VWA3A: variants seen among roughly 807,000 people sequenced by gnomAD.
VWA3A encodes the protein von Willebrand factor A domain containing 3A.
In VWA3A, 134 loss-of-function variants were observed where a neutral mutation model predicts 160.4. The observed-to-expected ratio is 0.84, with a 90% CI of 0.73 to 0.96. VWA3A has a LOEUF of 0.96. Ranked by LOEUF, VWA3A falls within the 40% of genes least tolerant of loss-of-function variation. The probability of loss-of-function intolerance (pLI) is 0.00; values close to 1 mark genes in which losing one functional copy is unlikely to be tolerated. For missense variants in VWA3A, 1,310 were observed against 1,447.9 expected (o/e 0.90, Z 1.55); for synonymous variants, 476 against 543.4 (o/e 0.88, Z 1.72).
chr16:22,093,876 C>T (rs1008520803), intron 1 of VWA3A, among the ~76,000 whole-genome samples: 2 of 152,076 alleles, frequency 1.3e-5, no homozygotes, highest in African/African-American at 4.8e-5. Flanking sequence ...GTGACCTGCC[C>T]ACCCCATCCT....
chr16:22,123,130 A>G lies in VWA3A; in HGVS notation c.1402A>G (p.Ile468Val), dbSNP rs371798073. 5.6e-6 allele frequency: 9 copies of G among 1,605,998 alleles called. No individual in the cohort carries two copies. The highest frequency in any genetic ancestry group is 7.7e-6 in the Non-Finnish European group (9 of 1,176,190). Residue 468 changes from isoleucine to valine, a missense_variant, in exon 15 of 34, where the codon ATT becomes GTT. Coordinates refer to ENST00000389398, the MANE Select transcript of VWA3A (RefSeq NM_173615.5). ...ATGGCACGACGGGACAGTGAAGAACATTCATGTGGACCCACCCTTCCTCTA... is the reference window on the plus strand; with the variant it reads ...ATGGCACGACGGGACAGTGAAGAACGTTCATGTGGACCCACCCTTCCTCTA... The part of the protein sequence containing the change: ...FEWHDGTVKN[I>V]HVDPPFLYKY...
intron 28 of VWA3A, among the ~76,000 whole-genome samples, chr16:22,149,424 C>T (rs910604289): frequency 1.3e-5 from 2 of 151,982 alleles, no homozygotes; most frequent in African/African-American, 2.4e-5. Flanking sequence ...AAATCTTTTT[C>T]GTAGAGATGG....
At chr16:22,129,401 A>AGAAAGAAAGAAAGAAAGAAAGAAAG (rs1191280431) in intron 17 of VWA3A, among the ~76,000 whole-genome samples, 1 of 137,142 alleles carries the variant, frequency 7.3e-6, no homozygotes, top group African/African-American at 3.0e-5. Context: ...AAAAAAAAAA[A>AGAAAGAAAGAAAGAAAGAAAGAAAG]AAAAGAAAGA....
At chr16:22,141,424 A>G in intron 23 of VWA3A, among the ~76,000 whole-genome samples, 158 bp from the exon 24 acceptor site, 1 of 152,166 alleles carries the variant, frequency 6.6e-6, no homozygotes, top group East Asian at 1.9e-4. Flanking sequence ...AAAGCCAGAG[A>G]CCTGGCGGGG....
At chr16:22,128,784 A>G (rs549859193) in intron 17 of VWA3A, among the ~76,000 whole-genome samples, 1 of 152,312 alleles carries the variant, frequency 6.6e-6, no homozygotes, top group East Asian at 1.9e-4. Context: ...TTGCAGGAAC[A>G]TGGATGGAGC....
rs375800668 is a variant in VWA3A, at chr16:22,119,274, C to G, written c.1116+247C>G. 4.7e-4 allele frequency among the ~76,000 whole-genome samples: 72 copies of G among 152,300 alleles called. No individual in the cohort carries two copies. The South Asian group carries it at 0.015, about 31-fold the overall frequency. On this transcript the variant is annotated intron_variant, in intron 12 of 33. Transcript: ENST00000389398. ...CTGTAAAATTTATTTCAGAGAAAGA[C>G]CAGCAGGCTCCTGCCACCCTCTCTA...
intron 7 of VWA3A, among the ~76,000 whole-genome samples, chr16:22,110,349 C>T (rs909928280): frequency 2.0e-5 from 3 of 152,158 alleles, no homozygotes; most frequent in Admixed American, 6.5e-5. Flanking sequence ...CCTGCAGAGC[C>T]GTTATGAGGC....
In VWA3A at chr16:22,131,232, G is replaced by A. The variant is rs187395881; in HGVS notation, c.1680G>A (p.Arg560=). The stretch of plus-strand genomic sequence containing the variant: ...TTGGAAGCACAATTGAAAGCTGGAG[G>A]CCTGAGATGGTTCCCGTGAGTCACA... ...IAFGSTIESW[R]PEMVPVSHNN... The change falls in exon 18 of 34, where the codon AGG becomes AGA. Residue 560 remains arginine (R), a synonymous_variant. Transcript: ENST00000389398. 1.1e-4 allele frequency: 185 copies of A among 1,613,978 alleles called. No individual in the cohort carries two copies. The East Asian group carries it at 2.5e-3, about 22-fold the overall frequency.
At position 22,123,700 on chromosome 16, in the gene VWA3A, GA is replaced by G; in HGVS notation, c.1531del (p.Arg511GlyfsTer56). Reference sequence around the variant, plus strand: ...CAGAAGAATCTGGGGCACAGTCTGTGAAAAAAGGTACCTTTCTTAAGCAGGG... The same window carrying G: ...CAGAAGAATCTGGGGCACAGTCTGTGAAAAAGGTACCTTTCTTAAGCAGGG... Reference protein sequence around the residue: ...ASRRIWGTVCEKRVVVLLDIS... With the variant: ...ASRRIWGTVCXKRVVVLLDIS... On this transcript the variant is annotated frameshift_variant, in exon 16 of 34. Coordinates refer to ENST00000389398, the MANE Select transcript of VWA3A (RefSeq NM_173615.5). LOFTEE classifies it high-confidence loss of function. The G allele has an allele frequency of 6.2e-7, 1 of 1,611,488 alleles. No individual in the cohort carries two copies.
chr16:22,104,079 G>A (rs879436505), intron 6 of VWA3A, among the ~76,000 whole-genome samples: 3 of 152,206 alleles, frequency 2.0e-5, no homozygotes, highest in Non-Finnish European at 4.4e-5. Context: ...GTTACCAGAA[G>A]GGGGAATGGG....
chr16:22,153,163 T>TGG (rs1440603294), intron 31 of VWA3A, among the ~76,000 whole-genome samples: 2 of 152,064 alleles, frequency 1.3e-5, no homozygotes, highest in Non-Finnish European at 2.9e-5. Flanking sequence ...CTGGCCAACA[T>TGG]GGTGAAATGA....
At chr16:22,111,093 CCT>C in intron 8 of VWA3A, 99 bp downstream of exon 8, 1 of 1,035,540 alleles carries the variant, frequency 9.7e-7, no homozygotes. Flanking sequence ...ACCCCAGGAC[CCT>C]ACTAGATAAG....
intron 1 of VWA3A, 76 bp downstream of exon 1, chr16:22,092,727 G>C: frequency 2.0e-6 from 3 of 1,530,600 alleles, no homozygotes; most frequent in Non-Finnish European, 2.7e-6. Context: ...GCTCTGGACT[G>C]AGTGAGAAGA....
rs1567203063 is a variant in VWA3A, at chr16:22,115,925, A to AAGGAAGGAAG, written c.815+453_815+454insAGGAAGGAAG. On this transcript the variant is annotated intron_variant, in intron 9 of 33. Coordinates refer to ENST00000389398, the MANE Select transcript of VWA3A (RefSeq NM_173615.5). ...AGGAAGGAAGGAAGGAAGGAAGGAA[A>AAGGAAGGAAG]GGAAAGGAAAGGAAGGGAGGAGGGG... 9.3e-3 allele frequency among the ~76,000 whole-genome samples: 171 copies of AAGGAAGGAAG among 18,458 alleles called. 20 individuals carry two copies. Among genetic ancestry groups the AAGGAAGGAAG allele is most frequent in the Non-Finnish European group, 9.6e-3 (136 of 14,146 alleles). The allele number at this position is 18,458 out of a possible 152,430, so 12.1% of individuals were successfully genotyped here.
chr16:22,146,180 G>T (rs2046246138), intron 26 of VWA3A, 56 bp from the exon 27 acceptor site: 1 of 1,366,226 alleles, frequency 7.3e-7, no homozygotes, highest in East Asian at 2.3e-5. Context: ...GGGGTGATGG[G>T]GATATGAAGA....
Position 22,118,793 on chromosome 16 carries a change from G to C in VWA3A, c.991-109G>C, listed in dbSNP as rs147663539. The C allele has an allele frequency of 2.2e-4, 321 of 1,448,142 alleles. 1 individual carries two copies. In the East Asian group the frequency reaches 7.2e-3, roughly 33 times the overall value. The allele number at this position is 1,448,142 out of a possible 1,614,324, so 89.7% of individuals were successfully genotyped here. A position where few individuals can be genotyped will look rare whatever the true frequency, so the allele number is the denominator to read the frequency against. ...CCCAGTGTATAAGGCCTGGTGGAGA[G>C]AGTCTGACCCTCTGCCTGGGCATTG... On this transcript the variant is annotated intron_variant, in intron 11 of 33. Coordinates refer to ENST00000389398, the MANE Select transcript of VWA3A (RefSeq NM_173615.5).
intron 6 of VWA3A, among the ~76,000 whole-genome samples, chr16:22,106,333 C>T (rs535146317): frequency 1.3e-5 from 2 of 151,880 alleles, no homozygotes; most frequent in Non-Finnish European, 2.9e-5. Context: ...TGCAGTGAGC[C>T]GAGATCGTGC....
At chr16:22,117,542 G>A (rs142172555) in intron 11 of VWA3A, among the ~76,000 whole-genome samples, 2 of 152,262 alleles carry the variant, frequency 1.3e-5, no homozygotes, top group African/African-American at 2.4e-5. Context: ...GAATTGCCTC[G>A]ATTTTCTCTC....
intron 21 of VWA3A, 151 bp from the exon 22 acceptor site, chr16:22,138,209 C>A: frequency 1.1e-6 from 1 of 877,616 alleles, no homozygotes; most frequent in Non-Finnish European, 1.7e-6. Flanking sequence ...GTCCATAGCA[C>A]TTTCAGCCCC....
Sources: gnomAD v4.1 joint callset for allele counts (sites outside exome capture counted in the v4.1 genomes callset) on GRCh38, gnomAD v4.1.1 for gene constraint, MANE v1.5 for transcripts, NCBI Gene and HGNC (gene_info 2026-07-23, HGNC 2026-07-21) for gene names.